Variants in PLCH1 observed in about 807,000 individuals in gnomAD.
PLCH1 encodes the protein 1-phosphatidylinositol 4,5-bisphosphate phosphodiesterase eta-1.
Under a neutral mutation model 126.7 loss-of-function variants are expected in PLCH1, and 60 were observed. The observed-to-expected ratio is 0.47, with a 90% confidence interval of 0.38 to 0.59. PLCH1 has a LOEUF of 0.59. PLCH1 is among the 20% of genes least tolerant of loss of function. The pLI is 0.00. For synonymous variants in PLCH1, 719 were observed against 734.9 expected (o/e 0.98, Z 0.35); for missense variants, 1,723 against 2,040.0 (o/e 0.84, Z 2.99).
chr3:155,734,494 A>T (rs1171488752), intron 1 of PLCH1, among the ~76,000 whole-genome samples: 1 of 152,118 alleles, frequency 6.6e-6, no homozygotes, highest in African/African-American at 2.4e-5. Context: ...AGAAATTAAA[A>T]ATAGAACTAC....
chr3:155,679,069 T>G lies in PLCH1; in HGVS notation c.79+25077A>C, dbSNP rs182541402. Among the ~76,000 whole-genome samples, 516 of 152,246 alleles carry G rather than the reference T, an allele frequency of 3.4e-3. 1 individual carries two copies. Among genetic ancestry groups the G allele is most frequent in the Non-Finnish European group, 5.9e-3 (403 of 68,000 alleles). Reference sequence around the variant, plus strand: ...GGTTTCCATGGAAGATGGAGAAAGATGTAAGCCCCAGCCTCTTCCTTGATT... The same window carrying G: ...GGTTTCCATGGAAGATGGAGAAAGAGGTAAGCCCCAGCCTCTTCCTTGATT... On this transcript the variant is annotated intron_variant, in intron 2 of 22. Transcript: ENST00000460012.
rs372356139 is a variant in PLCH1 at position 155,481,542 on chromosome 3, A to G, written c.4484T>C (p.Ile1495Thr). The G allele has an allele frequency of 3.1e-6, 5 of 1,614,068 alleles. No homozygotes were observed. Among genetic ancestry groups the G allele is most frequent in the Non-Finnish European group, 4.2e-6 (5 of 1,180,034 alleles). Residue 1495 changes from isoleucine to threonine, a missense_variant, in exon 23 of 23, where the codon ATT becomes ACT. Around this residue, in one of 2 missense-constraint regions of PLCH1, gnomAD observed 947 missense variants for 977.1 expected, o/e 0.97. Transcript: ENST00000460012. This position sits in a 1 kb window ranked among gnomAD's most constrained non-coding sequence, Gnocchi z 4.2. ...KSLGDLTSED[I>T]ACNFESKYQC... is the part of the protein sequence containing the mutation. ...GTACTTGCTCTCAAAATTGCAGGCA[A>G]TGTCCTCTGATGTTAAGTCCCCCAG...
Position 155,572,622 on chromosome 3 carries a change from C to T in PLCH1, c.772-4298G>A, listed in dbSNP as rs112885959. 4.5e-3 allele frequency among the ~76,000 whole-genome samples: 690 copies of T among 151,864 alleles called. 4 individuals carry two copies. The highest frequency in any genetic ancestry group is 8.2e-3 in the Non-Finnish European group (559 of 67,900). ...GTATTATTTATTTGATAAGTTTCTC[C>T]CTTCTATTTTCTCTTATTTTTTTCT... On this transcript the variant is annotated intron_variant, in intron 6 of 22. Transcript: ENST00000460012.
chr3:155,713,689 G>A (rs1181127063), intron 1 of PLCH1, among the ~76,000 whole-genome samples: 1 of 152,220 alleles, frequency 6.6e-6, no homozygotes, highest in Non-Finnish European at 1.5e-5. Flanking sequence ...CAAAAACCCA[G>A]AGCTGCAGCC....
Position 155,471,097 on chromosome 3 carries a change from G to T in PLCH1, c.2938+14259C>A, listed in dbSNP as rs569305823. On this transcript the variant is annotated intron_variant, in intron 21 of 21. Transcript: ENST00000494598. ...AACAATATTAACTTTAAATATAAAT[G>T]GACTAAATGCTCCAATTAAAAGACA... Among the ~76,000 whole-genome samples the T allele has an allele frequency of 1.1e-4, 16 of 151,822 alleles. No individual in the cohort carries two copies. The South Asian group carries it at 2.9e-3, about 28-fold the overall frequency.
chr3:155,575,528 G>A (rs957356814), intron 6 of PLCH1, among the ~76,000 whole-genome samples: 5 of 152,174 alleles, frequency 3.3e-5, no homozygotes, highest in Non-Finnish European at 5.9e-5. Flanking sequence ...AGGGAAACAG[G>A]AAATCTCTGA....
chr3:155,586,337 G>C (rs1731369562), intron 4 of PLCH1, 143 bp from the exon 5 acceptor site: 1 of 705,176 alleles, frequency 1.4e-6, no homozygotes, highest in Non-Finnish European at 2.4e-6. Flanking sequence ...CATAGGCTCT[G>C]ATGAGCTACT....
chr3:155,715,796 G>C (rs358721), intron 1 of PLCH1, among the ~76,000 whole-genome samples: 1 of 151,244 alleles, frequency 6.6e-6, no homozygotes, highest in Non-Finnish European at 1.5e-5. Context: ...GTGGAAACAG[G>C]GTCTCACTGT....
At chr3:155,519,148 A>G (rs1720734952) in intron 11 of PLCH1, among the ~76,000 whole-genome samples, 1 of 152,206 alleles carries the variant, frequency 6.6e-6, no homozygotes, top group Admixed American at 6.5e-5. Flanking sequence ...CCTGGAATCC[A>G]ATAGCACTAC....
At chr3:155,514,206 A>C (rs1719994488) in intron 12 of PLCH1, among the ~76,000 whole-genome samples, 1 of 152,234 alleles carries the variant, frequency 6.6e-6, no homozygotes, top group South Asian at 2.1e-4. Flanking sequence ...TTCTAAGTTT[A>C]GAAACTAAAT....
At chr3:155,659,447 C>T (rs865916373) in intron 2 of PLCH1, among the ~76,000 whole-genome samples, 1 of 150,608 alleles carries the variant, frequency 6.6e-6, no homozygotes, top group Admixed American at 6.6e-5. Context: ...TGTTCAGCCT[C>T]CAGAGCAGCT....
intron 20 of PLCH1, 65 bp from the exon 21 acceptor site, chr3:155,488,172 A>G (rs1253196175): frequency 6.4e-6 from 6 of 930,540 alleles, no homozygotes; most frequent in Non-Finnish European, 1.1e-5. Context: ...TCATGGGTGC[A>G]ACAAAATTAA....
intron 2 of PLCH1, among the ~76,000 whole-genome samples, chr3:155,700,138 A>G (rs1746159280): frequency 6.6e-6 from 1 of 152,130 alleles, no homozygotes; most frequent in Non-Finnish European, 1.5e-5. Context: ...GAGGCTACAC[A>G]AGTTAGTTGT....
At chr3:155,462,395 T>C (rs894218257) in intron 21 of PLCH1, among the ~76,000 whole-genome samples, 3 of 152,202 alleles carry the variant, frequency 2.0e-5, no homozygotes, top group South Asian at 4.2e-4. Flanking sequence ...GAAATAAGAA[T>C]AGGTGAGAGA....
chr3:155,739,971 C>A lies in PLCH1; in HGVS notation c.-41+4869G>T, dbSNP rs75471467. Among the ~76,000 whole-genome samples, 28 of 152,302 alleles carry A rather than the reference C, an allele frequency of 1.8e-4. No homozygotes were observed. In the East Asian group the frequency reaches 5.2e-3, roughly 28 times the overall value. On this transcript the variant is annotated intron_variant, in intron 1 of 22. Coordinates refer to ENST00000460012, the MANE Select transcript of PLCH1 (RefSeq NM_014996.4). ...ATAAATAACCAGAAAAACTATCCCC[C>A]CTTATGGTAAATCCCAATCATGCCA...
chr3:155,678,691 G>C (rs952573832), intron 2 of PLCH1, among the ~76,000 whole-genome samples: 3 of 152,142 alleles, frequency 2.0e-5, no homozygotes, highest in Non-Finnish European at 4.4e-5. Context: ...TGCTTCCTCT[G>C]ATGGGTCACC....
intron 8 of PLCH1, among the ~76,000 whole-genome samples, chr3:155,561,611 T>C (rs1313069581): frequency 1.3e-5 from 2 of 152,068 alleles, no homozygotes; most frequent in Non-Finnish European, 2.9e-5. Flanking sequence ...CATGTGTCTT[T>C]ATAGCAGCAT....
At chr3:155,580,712 G>A (rs1363293363) in intron 6 of PLCH1, among the ~76,000 whole-genome samples, 1 of 151,834 alleles carries the variant, frequency 6.6e-6, no homozygotes, top group African/African-American at 2.4e-5. Flanking sequence ...CTTTACAAAG[G>A]TACTTCTTCT....
chr3:155,614,049 T>C (rs750921019), intron 2 of PLCH1, among the ~76,000 whole-genome samples: 9 of 152,038 alleles, frequency 5.9e-5, no homozygotes, highest in Non-Finnish European at 8.8e-5. Context: ...CCTTTTACAA[T>C]AGCTGAAAAT....
Sources: allele counts gnomAD v4.1 joint callset (sites outside exome capture counted in the v4.1 genomes callset), GRCh38; gene constraint gnomAD v4.1.1; regional missense constraint gnomAD v4.1.1; non-coding constraint Gnocchi (gnomAD v3.1); transcripts MANE v1.5; gene names NCBI Gene and HGNC (gene_info 2026-07-23, HGNC 2026-07-21).